MIER2: variants seen among roughly 807,000 people sequenced by gnomAD.
MIER2 encodes MIER family member 2, also known as mesoderm induction early response protein 2.
Under a neutral mutation model 67.6 loss-of-function variants are expected in MIER2, and 30 were observed. The ratio of observed to expected loss-of-function variants is 0.44; its 90% CI spans 0.33 to 0.60. MIER2 has a LOEUF of 0.60. Ranked by LOEUF, MIER2 falls within the 20% of genes least tolerant of loss-of-function variation. The pLI, the probability that MIER2 is intolerant of heterozygous loss-of-function variation, is 0.02. For missense variants in MIER2, 702 were observed against 745.1 expected (o/e 0.94, Z 0.67); for synonymous variants, 372 against 312.6 (o/e 1.19, Z -2.00).
chr19:308,023 G>C lies in MIER2; in HGVS notation c.1199-487C>G, dbSNP rs1179309825. On this transcript the variant is annotated intron_variant, in intron 12 of 13. Coordinates refer to ENST00000264819, the MANE Select transcript of MIER2 (RefSeq NM_017550.3). This position sits in a 1 kb window ranked among gnomAD's most constrained non-coding sequence, Gnocchi z 9.1. ...GGAAACAACCAGACTCTGGAAATGG[G>C]GGACCCTCCCAGACTCAACCATCTA... 6.6e-6 allele frequency among the ~76,000 whole-genome samples: 1 copy of C among 152,144 alleles called. No individual in the cohort carries two copies. The highest frequency in any genetic ancestry group is 1.5e-5 in the Non-Finnish European group (1 of 68,022).
rs190099310 is a variant in MIER2, at chr19:344,100, G to A, written c.9+674C>T. On this transcript the variant is annotated intron_variant, in intron 1 of 13. Coordinates refer to ENST00000264819, the MANE Select transcript of MIER2 (RefSeq NM_017550.3). ...GTCCCGGGCTTGTTTCCTGGACGAG[G>A]GAGGAGGCTCCAGAAGTAACTTCGT... 71 of 985,450 alleles carry A rather than the reference G, an allele frequency of 7.2e-5. No homozygotes were observed. In the East Asian group the frequency reaches 6.9e-3, roughly 96 times the overall value. 61.0% of individuals were successfully genotyped at this position (985,450 alleles called of 1,614,324 possible). A position where few individuals can be genotyped will look rare whatever the true frequency, so the allele number is the denominator to read the frequency against.
intron 13 of MIER2, 91 bp downstream of exon 13, chr19:307,028 C>T: frequency 9.8e-6 from 14 of 1,431,316 alleles, no homozygotes; most frequent in Non-Finnish European, 1.3e-5. Context: ...GTCCTTGGGG[C>T]AAATGCCTCC....
intron 3 of MIER2, among the ~76,000 whole-genome samples, chr19:329,554 T>C (rs1447075641): frequency 6.6e-6 from 1 of 152,108 alleles, no homozygotes; most frequent in Non-Finnish European, 1.5e-5. Context: ...TGCTGTCACA[T>C]TCCTCACAGA....
chr19:329,582 A>G (rs545570422), intron 3 of MIER2, among the ~76,000 whole-genome samples: 17 of 152,326 alleles, frequency 1.1e-4, no homozygotes, highest in African/African-American at 4.1e-4. Flanking sequence ...CAAACACCCC[A>G]GCTTCACTTC....
At chr19:338,406 C>T (rs1293451012) in intron 1 of MIER2, among the ~76,000 whole-genome samples, 21 of 148,832 alleles carry the variant, frequency 1.4e-4, no homozygotes, top group Admixed American at 1.4e-3. Flanking sequence ...GTGTACAGTA[C>T]TCTGAGTGAA....
At chr19:310,638 C>G (rs923194445) in intron 10 of MIER2, among the ~76,000 whole-genome samples, 3 of 146,404 alleles carry the variant, frequency 2.0e-5, no homozygotes, top group African/African-American at 7.8e-5. Flanking sequence ...GCTATAGAAA[C>G]AGCCCAGAGT....
Position 327,931 on chromosome 19 carries a change from G to A in MIER2, c.302C>T (p.Pro101Leu). 1 of 1,613,108 alleles carries A rather than the reference G, an allele frequency of 6.2e-7. No homozygotes were observed. The highest frequency in any genetic ancestry group is 8.5e-7 in the Non-Finnish European group (1 of 1,179,552). ...LALYGYEASD[P>L]ISDRESEGGD... Reference sequence around the variant, plus strand: ...ACCCTCACTCTCCCGGTCTGAAATGGGGTCTGACGCCTCGTAGCCATAGAG... The same window carrying A: ...ACCCTCACTCTCCCGGTCTGAAATGAGGTCTGACGCCTCGTAGCCATAGAG... Residue 101 changes from proline to leucine, a missense_variant, in exon 4 of 14, where the codon CCC becomes CTC. Pro to Leu is a moderately conservative substitution (Grantham distance 98). This residue lies in a region of MIER2 where 320 missense variants were observed against 292.6 expected (regional missense o/e 1.09). Transcript: ENST00000264819.
Position 327,221 on chromosome 19 carries a change from T to C in MIER2, c.405A>G (p.Glu135=), listed in dbSNP as rs1002098151. The C allele has an allele frequency of 1.9e-6, 3 of 1,586,042 alleles. No homozygotes were observed. Among genetic ancestry groups the C allele is most frequent in the East Asian group, 2.3e-5 (1 of 44,352 alleles). ...CAGCAGATGATTGCGTCTCTTCCTC[T>C]TCTTCCCCTGAAAGCAAATCCTTCG... The part of the protein sequence containing the change: ...QIAKDLLSGE[E]EEETQSSADD... Residue 135 remains glutamate (E), a synonymous_variant, in exon 5 of 14, where the codon GAA becomes GAG. Transcript: ENST00000264819.
intron 1 of MIER2, among the ~76,000 whole-genome samples, chr19:336,594 G>C (rs1600172403): frequency 6.6e-6 from 1 of 152,162 alleles, no homozygotes; most frequent in African/African-American, 2.4e-5. Flanking sequence ...ACAGAATGGG[G>C]GCTCGTGGGG....
At position 327,139 on chromosome 19, in the gene MIER2, T is replaced by G. The variant is rs762665176; in HGVS notation, c.487A>C (p.Ser163Arg). 3 of 1,580,986 alleles carry G rather than the reference T, an allele frequency of 1.9e-6. No individual in the cohort carries two copies. Among genetic ancestry groups the G allele is most frequent in the Non-Finnish European group, 2.6e-6 (3 of 1,170,770 alleles). The change falls in exon 5 of 14, where the codon AGT becomes CGT. Residue 163 changes from serine to arginine, a missense_variant. This residue lies in a region of MIER2 where 320 missense variants were observed against 292.6 expected (regional missense o/e 1.09). Coordinates refer to ENST00000264819, the MANE Select transcript of MIER2 (RefSeq NM_017550.3). ...TGGGGACAGAGTCACCTACATCCAC[T>G]CCGGTTAGGGAAGAGGTCGGAGGCC... ...HEASDLFPNR[S>R]GSRFLADEDR...
intron 7 of MIER2, among the ~76,000 whole-genome samples, chr19:323,177 G>T (rs1321286715): frequency 6.8e-6 from 1 of 147,112 alleles, no homozygotes; most frequent in Non-Finnish European, 1.5e-5. Flanking sequence ...AAATGACACA[G>T]ACGTCATCAC....
chr19:332,108 A>G (rs905102385), intron 3 of MIER2, among the ~76,000 whole-genome samples: 1 of 152,008 alleles, frequency 6.6e-6, no homozygotes. Context: ...TCATAAAAAT[A>G]TTTATATTAA....
intron 7 of MIER2, among the ~76,000 whole-genome samples, chr19:323,501 A>G (rs1290304048): frequency 2.0e-5 from 3 of 151,576 alleles, no homozygotes; most frequent in Admixed American, 6.6e-5. Context: ...ACAGGATACA[A>G]CCACACAGAC....
chr19:324,565 GA>G (rs1226829836), intron 7 of MIER2, among the ~76,000 whole-genome samples: 2 of 132,784 alleles, frequency 1.5e-5, no homozygotes, highest in African/African-American at 3.1e-5. Flanking sequence ...CAGACGACTC[GA>G]ATGACACAGA....
At chr19:316,988 A>G (rs182975197) in intron 7 of MIER2, among the ~76,000 whole-genome samples, 15 of 152,328 alleles carry the variant, frequency 9.8e-5, no homozygotes, top group African/African-American at 3.1e-4. Flanking sequence ...GTAGACTGTG[A>G]TAAGTCAATA....
chr19:314,570 C>A (rs112520748), intron 7 of MIER2, among the ~76,000 whole-genome samples: 1 of 152,144 alleles, frequency 6.6e-6, no homozygotes, highest in Non-Finnish European at 1.5e-5. Context: ...GGGGCTGACG[C>A]GGTAACTAGC....
chr19:316,187 C>T (rs994350161), intron 7 of MIER2, among the ~76,000 whole-genome samples: 11 of 152,158 alleles, frequency 7.2e-5, no homozygotes, highest in South Asian at 2.1e-4. Context: ...GAAGTTCTTC[C>T]GGCTGAAGGA....
chr19:317,730 C>CAAAA (rs10710807), intron 7 of MIER2, among the ~76,000 whole-genome samples: 14 of 84,010 alleles, frequency 1.7e-4, no homozygotes, highest in East Asian at 2.9e-4. Flanking sequence ...GACTCTGTCT[C>CAAAA]AAAAAAAAAA....
intron 1 of MIER2, chr19:344,429 G>T (rs1266504802): frequency 3.1e-6 from 3 of 973,082 alleles, no homozygotes; most frequent in Admixed American, 6.2e-5. Context: ...AACCGGAGCC[G>T]GACCCTGGAA....
Sources: allele counts gnomAD v4.1 joint callset (sites outside exome capture counted in the v4.1 genomes callset), GRCh38; gene constraint gnomAD v4.1.1; regional missense constraint gnomAD v4.1.1; non-coding constraint Gnocchi (gnomAD v3.1); transcripts MANE v1.5; gene names NCBI Gene and HGNC (gene_info 2026-07-23, HGNC 2026-07-21).